The following NTNG1 variants were observed in gnomAD, a reference collection of about 807,000 sequenced individuals.
The protein encoded by NTNG1 is netrin-G1.
NTNG1 carries 16 observed loss-of-function variants against 54.0 expected under a neutral mutation model. The observed-to-expected ratio is 0.30, with a 90% CI of 0.20 to 0.45. The LOEUF (loss-of-function observed/expected upper bound fraction) is 0.45. Among genes scored for constraint, NTNG1 ranks in the 20% least tolerant of loss-of-function variants. The pLI, the probability that NTNG1 is intolerant of heterozygous loss-of-function variation, is 1.00. For synonymous variants in NTNG1, 255 were observed against 263.1 expected (o/e 0.97, Z 0.30); for missense variants, 530 against 678.7 (o/e 0.78, Z 2.43).
At chr1:107,419,590 A>G (rs1487049468) in intron 5 of NTNG1, among the ~76,000 whole-genome samples, 3 of 150,364 alleles carry the variant, frequency 2.0e-5, no homozygotes, top group African/African-American at 4.9e-5. Context: ...TTATTTTAAT[A>G]TAGTATTGTA....
intron 3 of NTNG1, among the ~76,000 whole-genome samples, chr1:107,334,470 A>T (rs1189531238): frequency 6.6e-6 from 1 of 151,240 alleles, no homozygotes; most frequent in African/African-American, 2.4e-5. Flanking sequence ...GTGGGCCAAG[A>T]GATGATGGGT....
At chr1:107,468,453 T>C (rs2101572527) in intron 7 of NTNG1, among the ~76,000 whole-genome samples, 1 of 152,356 alleles carries the variant, frequency 6.6e-6, no homozygotes, top group Admixed American at 6.5e-5. Flanking sequence ...TGTAGTATTT[T>C]CCTACCTCCT....
chr1:107,360,905 A>C (rs931058140), intron 3 of NTNG1, among the ~76,000 whole-genome samples: 2 of 152,060 alleles, frequency 1.3e-5, no homozygotes, highest in Non-Finnish European at 1.5e-5. Context: ...CATGATTACT[A>C]GAAAGACTTA....
chr1:107,229,158 G>A (rs17018641), intron 2 of NTNG1, among the ~76,000 whole-genome samples: 6,202 of 151,856 alleles, frequency 0.041, 425 homozygotes, highest in African/African-American at 0.14. Context: ...GTCTAGGAAA[G>A]TGGAAATGTC....
chr1:107,168,203 CTTTTTT>C (rs1655954758), intron 2 of NTNG1, among the ~76,000 whole-genome samples: 1 of 151,136 alleles, frequency 6.6e-6, no homozygotes, highest in Admixed American at 6.6e-5. Context: ...TTCTCTTTTT[CTTTTTT>C]AAGGAAGTAC....
chr1:107,145,713 C>A (rs1207282728), intron 1 of NTNG1, among the ~76,000 whole-genome samples: 1 of 152,032 alleles, frequency 6.6e-6, no homozygotes, highest in East Asian at 1.9e-4. Context: ...TAATTGGCTG[C>A]CTCTTGTCAA....
chr1:107,216,748 G>A (rs1469989702), intron 2 of NTNG1, among the ~76,000 whole-genome samples: 1 of 151,496 alleles, frequency 6.6e-6, no homozygotes, highest in Non-Finnish European at 1.5e-5. Flanking sequence ...CATGATCTCG[G>A]CTCACTGCAA....
intron 2 of NTNG1, among the ~76,000 whole-genome samples, chr1:107,153,466 C>G (rs1210584006): frequency 6.6e-6 from 1 of 152,184 alleles, no homozygotes; most frequent in East Asian, 1.9e-4. Context: ...TGACACCTTT[C>G]ATTTGAACTG....
chr1:107,425,052 T>C (rs144298110), intron 5 of NTNG1, among the ~76,000 whole-genome samples: 3 of 152,086 alleles, frequency 2.0e-5, no homozygotes, highest in African/African-American at 7.2e-5. Context: ...TCAGGAAGGA[T>C]TACCAGGCAG....
At chr1:107,290,963 T>TTATATATATATATA (rs71976757) in intron 2 of NTNG1, among the ~76,000 whole-genome samples, 5 of 142,530 alleles carry the variant, frequency 3.5e-5, no homozygotes, top group Admixed American at 7.1e-5. Flanking sequence ...TATATATATA[T>TTATATATATATATA]TATATATATA....
Position 107,480,732 on chromosome 1 carries a change from G to A in NTNG1, c.1512G>A (p.Glu504=), listed in dbSNP as rs1355176779. 6.2e-6 allele frequency: 10 copies of A among 1,610,130 alleles called. No individual in the cohort carries two copies. The highest frequency in any genetic ancestry group is 8.5e-6 in the Non-Finnish European group (10 of 1,179,428). The change falls in exon 8 of 8, where the codon GAG becomes GAA. Residue 504 remains glutamate, a synonymous_variant. Transcript: ENST00000370068. Reference sequence around the variant, plus strand: ...TCTGCGAGAAGCTGCGGTGCGAGGAGGCTGGCAGCTGCGGCTCCGACTCTG... The same window carrying A: ...TCTGCGAGAAGCTGCGGTGCGAGGAAGCTGGCAGCTGCGGCTCCGACTCTG... ...GILCEKLRCE[E]AGSCGSDSGQ...
In NTNG1 at chr1:107,304,742, T is replaced by A. The variant is rs1207596764; in HGVS notation, c.247-19540T>A. On this transcript the variant is annotated intron_variant, in intron 2 of 7. Coordinates refer to ENST00000370068, the MANE Select transcript of NTNG1 (RefSeq NM_001113226.3). ...CTCAGAATGTTCTTTTTTTTTTTTTTAAATTATACTTTAAGTTCTGGGATA... is the reference window on the plus strand; with the variant it reads ...CTCAGAATGTTCTTTTTTTTTTTTTAAAATTATACTTTAAGTTCTGGGATA... Among the ~76,000 whole-genome samples, 21 of 150,890 alleles carry A rather than the reference T, an allele frequency of 1.4e-4. No homozygotes were observed. In the South Asian group the frequency reaches 1.9e-3, roughly 14 times the overall value.
chr1:107,477,568 G>T (rs1678410162), intron 7 of NTNG1, among the ~76,000 whole-genome samples: 1 of 152,154 alleles, frequency 6.6e-6, no homozygotes, highest in African/African-American at 2.4e-5. Context: ...TACTGATGCA[G>T]TTTCCCCATT....
intron 2 of NTNG1, among the ~76,000 whole-genome samples, chr1:107,317,848 T>C (rs953236414): frequency 6.6e-6 from 1 of 152,162 alleles, no homozygotes; most frequent in Non-Finnish European, 1.5e-5. Flanking sequence ...GGAATCTCTG[T>C]GATGAACAAA....
intron 2 of NTNG1, among the ~76,000 whole-genome samples, chr1:107,163,213 G>A (rs80023483): frequency 0.037 from 5,605 of 152,236 alleles, 130 homozygotes; most frequent in Middle Eastern, 0.095. Context: ...TTAGAGCCAA[G>A]TGTTCTGAAG....
At chr1:107,333,053 C>A (rs886355931) in intron 3 of NTNG1, among the ~76,000 whole-genome samples, 1 of 152,020 alleles carries the variant, frequency 6.6e-6, no homozygotes, top group African/African-American at 2.4e-5. Flanking sequence ...ACAAACCCTA[C>A]TGGTCCAGAA....
intron 7 of NTNG1, among the ~76,000 whole-genome samples, chr1:107,456,422 A>G (rs925388853): frequency 6.6e-6 from 1 of 152,150 alleles, no homozygotes; most frequent in Middle Eastern, 3.2e-3. Flanking sequence ...GTTCTGTCTC[A>G]TGCTATCTGA....
At chr1:107,265,064 G>T (rs1189879874) in intron 2 of NTNG1, among the ~76,000 whole-genome samples, 3 of 152,224 alleles carry the variant, frequency 2.0e-5, no homozygotes, top group Non-Finnish European at 4.4e-5. Context: ...TGAATGTGCA[G>T]ATGAATGAAA....
intron 3 of NTNG1, among the ~76,000 whole-genome samples, chr1:107,378,797 C>T (rs892379851): frequency 1.3e-5 from 2 of 152,138 alleles, no homozygotes; most frequent in Non-Finnish European, 1.5e-5. Context: ...CTCAGTCTGG[C>T]GGGTTGTGGG....
Sources: gnomAD v4.1 joint callset for allele counts (sites outside exome capture counted in the v4.1 genomes callset) on GRCh38, gnomAD v4.1.1 for gene constraint, MANE v1.5 for transcripts, NCBI Gene and HGNC (gene_info 2026-07-23, HGNC 2026-07-21) for gene names.